Variants in PAK3 observed in about 807,000 individuals in gnomAD.
The protein encoded by PAK3 is p21 (RAC1) activated kinase 3.
In PAK3, 4 loss-of-function variants were observed where a neutral mutation model predicts 41.0. That is an observed-to-expected ratio of 0.10 (90% confidence interval 0.05 to 0.22). The LOEUF is 0.22. PAK3 is among the 10% of genes least tolerant of loss of function. The pLI, the probability that PAK3 is intolerant of heterozygous loss-of-function variation, is 1.00. For missense variants in PAK3, 205 were observed against 409.9 expected, an observed-to-expected ratio of 0.50 and a Z score of 4.32; for synonymous variants, 146 against 139.6, an observed-to-expected ratio of 1.05 and a Z score of -0.32.
intron 1 of PAK3, among the ~76,000 whole-genome samples, chrX:111,047,085 T>G (rs1292915596): frequency 8.9e-6 from 1 of 112,268 alleles, no homozygotes; most frequent in East Asian, 2.8e-4. Flanking sequence ...TTACATAAAT[T>G]CAGAATGCTT....
chrX:110,972,441 C>T (rs1464399420), intron 1 of PAK3, among the ~76,000 whole-genome samples: 1 of 111,734 alleles, frequency 8.9e-6, no homozygotes, highest in Non-Finnish European at 1.9e-5. Flanking sequence ...GGATCTTCAG[C>T]GAACTCCAAC....
chrX:111,075,591 G>A (rs2092778103), intron 1 of PAK3, among the ~76,000 whole-genome samples: 1 of 112,913 alleles, frequency 8.9e-6, no homozygotes, highest in Non-Finnish European at 1.9e-5. Context: ...ACAGCCTGCT[G>A]CAGTAGCAGA....
At chrX:110,976,423 G>A (rs1269308060) in intron 1 of PAK3, among the ~76,000 whole-genome samples, 2 of 112,129 alleles carry the variant, frequency 1.8e-5, no homozygotes, top group Non-Finnish European at 3.8e-5. Flanking sequence ...CATCTCATGA[G>A]AGTTAGAATG....
chrX:111,028,029 G>A (rs1295175589), intron 1 of PAK3, among the ~76,000 whole-genome samples: 5 of 103,533 alleles, frequency 4.8e-5, no homozygotes, highest in African/African-American at 1.8e-4. Context: ...ATATATATGT[G>A]TGTATATATA....
At chrX:110,973,776 G>T (rs1159218319) in intron 1 of PAK3, among the ~76,000 whole-genome samples, 2 of 111,819 alleles carry the variant, frequency 1.8e-5, no homozygotes, top group Non-Finnish European at 3.8e-5. Context: ...TGGCAAATTG[G>T]ATAAAGAGTC....
chrX:111,188,717 A>G (rs1335738090), intron 11 of PAK3, among the ~76,000 whole-genome samples: 1 of 111,699 alleles, frequency 9.0e-6, no homozygotes, highest in African/African-American at 3.3e-5. Context: ...AGCAGCTACC[A>G]TATAGACATC....
chrX:111,052,536 C>T (rs773858984), intron 1 of PAK3, among the ~76,000 whole-genome samples: 2 of 112,174 alleles, frequency 1.8e-5, no homozygotes. Flanking sequence ...ATTTAATTGC[C>T]ACAACAATTC....
At chrX:111,083,386 C>T (rs1019316678) in intron 1 of PAK3, among the ~76,000 whole-genome samples, 20 of 112,106 alleles carry the variant, frequency 1.8e-4, no homozygotes, top group African/African-American at 6.5e-4. Flanking sequence ...TGACTTGCTG[C>T]TCTCCTAAAT....
At chrX:111,066,518 G>T (rs1409137938) in intron 1 of PAK3, among the ~76,000 whole-genome samples, 3 of 111,726 alleles carry the variant, frequency 2.7e-5, no homozygotes, top group Admixed American at 9.5e-5. Flanking sequence ...TCCATGTGCA[G>T]ATGAGAAAAA....
At chrX:111,195,050 G>A (rs965134733) in intron 14 of PAK3, among the ~76,000 whole-genome samples, 10 of 111,802 alleles carry the variant, frequency 8.9e-5, no homozygotes, top group African/African-American at 2.9e-4. Flanking sequence ...CTCATCTTAG[G>A]CATTATAATC....
chrX:111,026,148 A>C (rs2092266369), intron 1 of PAK3, among the ~76,000 whole-genome samples: 2 of 111,966 alleles, frequency 1.8e-5, no homozygotes, highest in Non-Finnish European at 3.8e-5. Context: ...CATAGAAGGG[A>C]CATACCTTAA....
chrX:111,093,681 C>G (rs771256756), upstream of PAK3, among the ~76,000 whole-genome samples: 36 of 112,307 alleles, frequency 3.2e-4, no homozygotes, highest in South Asian at 0.014. Context: ...TATGACATCA[C>G]TATGCTTTGT....
rs968012090 is a variant in PAK3, at chrX:111,223,412, T to C, written c.*2965T>C. ...CAATCCCCTCAAATCAGTCACCATG[T>C]TGGGTAATGACTTCGTTCTTGCTGA... On this transcript the variant is annotated 3_prime_UTR_variant, in exon 18 of 18. Coordinates refer to ENST00000372007, the MANE Select transcript of PAK3 (RefSeq NM_002578.5). 2 of 107,967 alleles carry C rather than the reference T, an allele frequency of 1.9e-5. No individual in the cohort carries two copies. Among genetic ancestry groups the C allele is most frequent in the African/African-American group, 6.7e-5 (2 of 29,638 alleles). 8.9% of individuals were successfully genotyped at this position (107,967 alleles called of 1,213,427 possible).
Position 111,223,775 on chromosome X carries a change from G to GT in PAK3, c.*3331dup, listed in dbSNP as rs769684997. 20 of 111,344 alleles carry GT rather than the reference G, an allele frequency of 1.8e-4. No individual in the cohort carries two copies. The highest frequency in any genetic ancestry group is 3.4e-4 in the Non-Finnish European group (18 of 53,076). 9.2% of individuals were successfully genotyped at this position (111,344 alleles called of 1,213,427 possible). The stretch of plus-strand genomic sequence containing the variant: ...ATAATTATATTCCTTTGCTCAATGG[G>GT]TTTATTTCTAATGAGGCTGCCAGTT... On this transcript the variant is annotated 3_prime_UTR_variant, in exon 18 of 18. Transcript: ENST00000372007.
chrX:111,045,990 T>G (rs745979767), intron 1 of PAK3, among the ~76,000 whole-genome samples: 2 of 111,950 alleles, frequency 1.8e-5, no homozygotes, highest in African/African-American at 3.2e-5. Flanking sequence ...TCTCATTTAC[T>G]GATCTAAGTT....
At chrX:111,028,007 A>G (rs2404541) in intron 1 of PAK3, among the ~76,000 whole-genome samples, 394 of 7,273 alleles carry the variant, frequency 0.054, 4 homozygotes, top group East Asian at 0.37. Context: ...GTGTGTGTGT[A>G]TATATATATA....
chrX:111,168,307 T>A (rs748297861), intron 10 of PAK3, among the ~76,000 whole-genome samples: 2 of 112,207 alleles, frequency 1.8e-5, no homozygotes, highest in South Asian at 3.7e-4. Context: ...TGGTAGGAAA[T>A]TGTTCTGGTA....
At chrX:110,966,496 A>G (rs745967748) in intron 1 of PAK3, among the ~76,000 whole-genome samples, 2 of 111,443 alleles carry the variant, frequency 1.8e-5, no homozygotes, top group African/African-American at 3.3e-5. Context: ...GAACAGAGAG[A>G]GAGAGAGAGA....
intron 4 of PAK3, among the ~76,000 whole-genome samples, chrX:111,106,226 T>C (rs1329935211): frequency 9.0e-6 from 1 of 111,636 alleles, no homozygotes; most frequent in Non-Finnish European, 1.9e-5. Context: ...CCTTACTCAC[T>C]TCGCTACACA....
Sources: gnomAD v4.1 joint callset for allele counts (sites outside exome capture counted in the v4.1 genomes callset) on GRCh38, gnomAD v4.1.1 for gene constraint, MANE v1.5 for transcripts, NCBI Gene and HGNC (gene_info 2026-07-23, HGNC 2026-07-21) for gene names.